CCDC186: variants seen among roughly 807,000 people sequenced by gnomAD.
CCDC186 encodes the protein coiled-coil domain-containing protein 186.
Under a neutral mutation model 113.7 loss-of-function variants are expected in CCDC186, and 49 were observed. That is an observed-to-expected ratio of 0.43 (90% CI 0.34 to 0.55). The LOEUF (loss-of-function observed/expected upper bound fraction) is 0.55. Ranked by LOEUF, CCDC186 falls within the 20% of genes least tolerant of loss-of-function variation. CCDC186 has a pLI of 0.02. For missense variants in CCDC186, 890 were observed against 1,011.1 expected, an observed-to-expected ratio of 0.88 and a Z score of 1.62; for synonymous variants, 355 against 345.8, an observed-to-expected ratio of 1.03 and a Z score of -0.30.
At chr10:114,162,440 T>C (rs2032198822) in intron 2 of CCDC186, 197 bp downstream of exon 2, 2 of 472,760 alleles carry the variant, frequency 4.2e-6, no homozygotes, top group Non-Finnish European at 7.3e-6. Flanking sequence ...CTATTTAACA[T>C]ATTGAACTCA....
intron 1 of CCDC186, among the ~76,000 whole-genome samples, chr10:114,171,240 A>G (rs1476859328): frequency 2.0e-5 from 3 of 152,050 alleles, no homozygotes; most frequent in African/African-American, 7.2e-5. Context: ...TTCAAAAAGG[A>G]AGGCTCTCAG....
At chr10:114,167,363 G>A (rs540295754) in intron 1 of CCDC186, among the ~76,000 whole-genome samples, 1 of 152,240 alleles carries the variant, frequency 6.6e-6, no homozygotes, top group Non-Finnish European at 1.5e-5. Context: ...AATGGTCTAT[G>A]TGTATATACG....
chr10:114,155,301 C>T (rs2031977809), intron 3 of CCDC186, among the ~76,000 whole-genome samples: 1 of 152,300 alleles, frequency 6.6e-6, no homozygotes, highest in East Asian at 1.9e-4. Context: ...TTCCTTATTA[C>T]AAAATTATCT....
At chr10:114,149,599 G>A (rs868522801) in intron 4 of CCDC186, among the ~76,000 whole-genome samples, 8 of 35,592 alleles carry the variant, frequency 2.2e-4, no homozygotes, top group African/African-American at 4.1e-4. Flanking sequence ...GAAGGGAAGG[G>A]AAGGGAAGGG....
intron 2 of CCDC186, among the ~76,000 whole-genome samples, chr10:114,160,952 T>C (rs568884483): frequency 2.0e-5 from 3 of 152,336 alleles, no homozygotes; most frequent in South Asian, 2.1e-4. Context: ...CAGGTAAGTA[T>C]TGTCACTCTA....
chr10:114,163,139 G>A lies in CCDC186; in HGVS notation c.130C>T (p.Leu44=), dbSNP rs202144647. ...ESSKLENESK[L]LSLNTDKTLC... The stretch of plus-strand genomic sequence containing the variant: ...GTTTTATCAGTGTTTAATGACAATA[G>A]TTTGGACTCATTTTCTAATTTGCTG... The change falls in exon 2 of 16, where the codon CTA becomes TTA. Residue 44 remains leucine, a synonymous_variant. Coordinates refer to ENST00000369287, the MANE Select transcript of CCDC186 (RefSeq NM_018017.4). 2.5e-6 allele frequency: 4 copies of A among 1,614,032 alleles called. No individual in the cohort carries two copies. In the South Asian group the frequency reaches 4.4e-5, roughly 18 times the overall value.
At chr10:114,128,176 G>A (rs7070221) in intron 13 of CCDC186, among the ~76,000 whole-genome samples, 2,040 of 152,100 alleles carry the variant, frequency 0.013, 54 homozygotes, top group African/African-American at 0.046. Context: ...TACCTCACAG[G>A]ATTGTTATCC....
intron 3 of CCDC186, among the ~76,000 whole-genome samples, chr10:114,151,966 G>A (rs1430785689): frequency 3.9e-5 from 6 of 152,258 alleles, no homozygotes; most frequent in African/African-American, 1.2e-4. Flanking sequence ...AAACTGTGAA[G>A]AAGAAAAAAG....
chr10:114,159,079 T>G (rs147666997), intron 2 of CCDC186, among the ~76,000 whole-genome samples: 82 of 152,342 alleles, frequency 5.4e-4, no homozygotes, highest in Middle Eastern at 3.4e-3. Flanking sequence ...GTAGTCTAGA[T>G]AGGCCTCTCT....
intron 3 of CCDC186, among the ~76,000 whole-genome samples, chr10:114,156,390 C>T (rs527764572): frequency 6.6e-6 from 1 of 152,338 alleles, no homozygotes; most frequent in South Asian, 2.1e-4. Flanking sequence ...AGTCTGAATA[C>T]TCACTTTGTT....
At chr10:114,146,680 TG>T (rs900596816) in intron 4 of CCDC186, among the ~76,000 whole-genome samples, 1 of 152,230 alleles carries the variant, frequency 6.6e-6, no homozygotes, top group South Asian at 2.1e-4. Context: ...AAGTAACTCA[TG>T]GTTTGCAAAT....
chr10:114,131,410 T>C, intron 11 of CCDC186, 74 bp from the exon 12 acceptor site: 1 of 1,273,860 alleles, frequency 7.9e-7, no homozygotes, highest in African/African-American at 1.5e-5. Context: ...TATATAACCT[T>C]AACAATCTAA....
intron 1 of CCDC186, among the ~76,000 whole-genome samples, chr10:114,171,562 C>G (rs942567926): frequency 3.9e-5 from 6 of 151,942 alleles, no homozygotes; most frequent in Non-Finnish European, 7.4e-5. Context: ...AAAAACTAAA[C>G]AAAATGAAGC....
intron 1 of CCDC186, among the ~76,000 whole-genome samples, chr10:114,164,065 A>AGT (rs747232906): frequency 0.16 from 16,663 of 106,860 alleles, 1,469 homozygotes; most frequent in African/African-American, 0.19. Flanking sequence ...ACCAAGTTAG[A>AGT]GTGTGTGTGT....
rs879930129 is a variant in CCDC186 at position 114,162,794 on chromosome 10, A to G, written c.475T>C (p.Ser159Pro). ...TCTATTTCTTCCAACAAATCCTCTG[A>G]TGCTGAAACGCTCTTTATTTTTGAA... ...FISKIKSVSA[S>P]EDLLEEIESE... is the part of the protein sequence containing the mutation. The change falls in exon 2 of 16, where the codon TCA becomes CCA. Residue 159 changes from serine (S) to proline (P), a missense_variant. Physicochemically the swap from Ser to Pro is moderately conservative, Grantham distance 74. Coordinates refer to ENST00000369287, the MANE Select transcript of CCDC186 (RefSeq NM_018017.4). 1.2e-6 allele frequency: 2 copies of G among 1,613,936 alleles called. No homozygotes were observed. Among genetic ancestry groups the G allele is most frequent in the Non-Finnish European group, 1.7e-6 (2 of 1,179,922 alleles).
At chr10:114,136,946 C>A (rs981929375) in intron 7 of CCDC186, among the ~76,000 whole-genome samples, 7 of 151,898 alleles carry the variant, frequency 4.6e-5, no homozygotes, top group African/African-American at 1.7e-4. Context: ...GTGAAACCCC[C>A]TCTCTACTAA....
rs188199943 is a variant in CCDC186 at position 114,158,111 on chromosome 10, G to T, written c.633-431C>A. On this transcript the variant is annotated intron_variant, in intron 2 of 15. Transcript: ENST00000369287. ...TAGGGGCTGCTACTGGCATCTAGTG[G>T]ATGGAGGCCAGGGATGCTGCTAAAC... Among the ~76,000 whole-genome samples, 443 of 152,306 alleles carry T rather than the reference G, an allele frequency of 2.9e-3. 3 individuals are homozygous for T. The highest frequency in any genetic ancestry group is 9.9e-3 in the African/African-American group (410 of 41,554).
At position 114,125,866 on chromosome 10, in the gene CCDC186, T is replaced by C; in HGVS notation, c.2613+20A>G. On this transcript the variant is annotated intron_variant, in intron 15 of 15. Coordinates refer to ENST00000369287, the MANE Select transcript of CCDC186 (RefSeq NM_018017.4). ...TTTGCCATGTTTACTGGTTGGTGTG[T>C]GAATGAGAAACACAAATACCTTCAA... 1 of 1,600,986 alleles carries C rather than the reference T, an allele frequency of 6.2e-7. No individual in the cohort carries two copies.
At chr10:114,165,709 A>G (rs537513740) in intron 1 of CCDC186, among the ~76,000 whole-genome samples, 2 of 151,898 alleles carry the variant, frequency 1.3e-5, no homozygotes, top group African/African-American at 4.8e-5. Context: ...TTAGCCGGGC[A>G]TTATGGTGGG....
Sources: allele counts gnomAD v4.1 joint callset (sites outside exome capture counted in the v4.1 genomes callset), GRCh38; gene constraint gnomAD v4.1.1; transcripts MANE v1.5; gene names NCBI Gene and HGNC (gene_info 2026-07-23, HGNC 2026-07-21).